The following PPP1R3A variants were observed in gnomAD, a reference collection of about 807,000 sequenced individuals.
PPP1R3A encodes RG1.
PPP1R3A carries 29 observed loss-of-function variants against 41.7 expected under a neutral mutation model. The ratio of observed to expected loss-of-function variants is 0.70; its 90% CI spans 0.52 to 0.95. PPP1R3A has a LOEUF of 0.95. Among genes scored for constraint, PPP1R3A ranks in the 40% least tolerant of loss-of-function variants. The pLI is 0.00. For missense variants in PPP1R3A, 1,352 were observed against 1,292.4 expected (o/e 1.05, Z -0.71); for synonymous variants, 485 against 453.4 (o/e 1.07, Z -0.89).
chr7:113,910,063 A>G (rs1254244028), intron 1 of PPP1R3A, among the ~76,000 whole-genome samples: 1 of 152,068 alleles, frequency 6.6e-6, no homozygotes, highest in Admixed American at 6.6e-5. Context: ...GACAGCAGGC[A>G]AGACAGCTTG....
intron 1 of PPP1R3A, among the ~76,000 whole-genome samples, chr7:113,901,056 A>C (rs1003994557): frequency 5.9e-4 from 90 of 151,752 alleles, no homozygotes; most frequent in African/African-American, 2.0e-3. Flanking sequence ...GACGGACCTG[A>C]AACATAGAAT....
At chr7:113,887,568 G>A (rs1796806283) in intron 1 of PPP1R3A, among the ~76,000 whole-genome samples, 1 of 152,062 alleles carries the variant, frequency 6.6e-6, no homozygotes, top group African/African-American at 2.4e-5. Context: ...TTAGAAATAA[G>A]AAGAAAGGAC....
At chr7:113,914,403 C>A (rs751911618) in intron 1 of PPP1R3A, among the ~76,000 whole-genome samples, 2 of 152,060 alleles carry the variant, frequency 1.3e-5, no homozygotes, top group Non-Finnish European at 2.9e-5. Flanking sequence ...ATTTTTTCAT[C>A]TATTAAATGT....
At chr7:113,894,673 A>G (rs1188694096) in intron 1 of PPP1R3A, among the ~76,000 whole-genome samples, 1 of 152,004 alleles carries the variant, frequency 6.6e-6, no homozygotes, top group East Asian at 1.9e-4. Context: ...TTCTTTATAA[A>G]GATGCTAATT....
chr7:113,901,683 G>C (rs1261367491), intron 1 of PPP1R3A, among the ~76,000 whole-genome samples: 1 of 151,738 alleles, frequency 6.6e-6, no homozygotes, highest in East Asian at 1.9e-4. Flanking sequence ...CTGGTCCAGG[G>C]TTAGCTGCGA....
At chr7:113,891,545 C>T (rs969106095) in intron 1 of PPP1R3A, among the ~76,000 whole-genome samples, 7 of 151,990 alleles carry the variant, frequency 4.6e-5, no homozygotes, top group Admixed American at 3.9e-4. Context: ...AAAGAAAAAT[C>T]ATTAGATCTT....
Position 113,884,266 on chromosome 7 carries a change from A to G in PPP1R3A, c.783-1946T>C, listed in dbSNP as rs189984424. Among the ~76,000 whole-genome samples the G allele has an allele frequency of 1.6e-3, 237 of 152,182 alleles. 1 individual carries two copies. The Middle Eastern group carries it at 0.024, about 15-fold the overall frequency. ...ACCAAAACATTTTTTATAGAATTTG[A>G]AAATATTATTCCAAACAGAAAAATA... On this transcript the variant is annotated intron_variant, in intron 1 of 3. Coordinates refer to ENST00000284601, the MANE Select transcript of PPP1R3A (RefSeq NM_002711.4).
intron 1 of PPP1R3A, among the ~76,000 whole-genome samples, chr7:113,897,204 G>A (rs1796991136): frequency 6.6e-6 from 1 of 151,684 alleles, no homozygotes; most frequent in Non-Finnish European, 1.5e-5. Flanking sequence ...TATATCCTAA[G>A]CACTGCAGTG....
Position 113,877,506 on chromosome 7 carries a change from G to A in PPP1R3A, c.*217C>T. 4.6e-6 allele frequency: 2 copies of A among 438,774 alleles called. No homozygotes were observed. The highest frequency in any genetic ancestry group is 7.8e-6 in the Non-Finnish European group (2 of 255,954). The allele number at this position is 438,774 out of a possible 1,614,324, so 27.2% of individuals were successfully genotyped here. Reference sequence around the variant, plus strand: ...CCTAATTTCAACTTGACGTGCTTCAGATCTCATATTCATATAGGTATTTAA... The same window carrying A: ...CCTAATTTCAACTTGACGTGCTTCAAATCTCATATTCATATAGGTATTTAA... On this transcript the variant is annotated 3_prime_UTR_variant, in exon 4 of 4. Transcript: ENST00000284601.
chr7:113,889,485 C>T (rs1391916433), intron 1 of PPP1R3A, among the ~76,000 whole-genome samples: 1 of 152,058 alleles, frequency 6.6e-6, no homozygotes, highest in Non-Finnish European at 1.5e-5. Flanking sequence ...AACTCTTTAA[C>T]CAAATGGGAA....
intron 1 of PPP1R3A, among the ~76,000 whole-genome samples, chr7:113,885,061 T>A (rs560549715): frequency 3.5e-4 from 54 of 152,302 alleles, no homozygotes; most frequent in East Asian, 1.9e-3. Flanking sequence ...CAGGCTTTTT[T>A]AAATTTTTTT....
At chr7:113,893,961 A>T (rs1796935433) in intron 1 of PPP1R3A, among the ~76,000 whole-genome samples, 1 of 151,948 alleles carries the variant, frequency 6.6e-6, no homozygotes, top group Non-Finnish European at 1.5e-5. Context: ...TTCAGTTCCT[A>T]CCAAGGATAA....
chr7:113,909,051 A>G (rs1422025749), intron 1 of PPP1R3A, among the ~76,000 whole-genome samples: 1 of 151,972 alleles, frequency 6.6e-6, no homozygotes, highest in African/African-American at 2.4e-5. Context: ...TACATTTACA[A>G]TATGAGGAAT....
At chr7:113,897,552 C>T (rs77778649) in intron 1 of PPP1R3A, among the ~76,000 whole-genome samples, 1,236 of 121,752 alleles carry the variant, frequency 0.01, 15 homozygotes, top group African/African-American at 0.032. Context: ...GAATGAGGCC[C>T]TGTCTCTTAA....
chr7:113,878,458 T>C lies in PPP1R3A; in HGVS notation c.2634A>G (p.Glu878=), dbSNP rs1269133700. ...MLPTDKTVFS[E]NRDLRQVQEL... The stretch of plus-strand genomic sequence containing the variant: ...CTTGAACCTGCCTAAGATCTCTGTT[T>C]TCTGAAAATACAGTTTTGTCTGTTG... The change falls in exon 4 of 4, where the codon GAA becomes GAG. Residue 878 remains glutamate (E), a synonymous_variant. Transcript: ENST00000284601. The C allele has an allele frequency of 2.5e-6, 4 of 1,612,880 alleles. No individual in the cohort carries two copies. The highest frequency in any genetic ancestry group is 3.4e-6 in the Non-Finnish European group (4 of 1,179,698).
At chr7:113,883,457 A>G (rs1455960202) in intron 1 of PPP1R3A, among the ~76,000 whole-genome samples, 1 of 152,010 alleles carries the variant, frequency 6.6e-6, no homozygotes, top group African/African-American at 2.4e-5. Flanking sequence ...TCAGTTTTAT[A>G]TATTTTTATG....
In PPP1R3A at chr7:113,882,129, C is replaced by T; in HGVS notation, c.876G>A (p.Glu292=). The change falls in exon 3 of 4, where the codon GAG becomes GAA. Residue 292 remains glutamate (E), a synonymous_variant. Transcript: ENST00000284601. ...TACTGGCTTCCAAATCTTCCTTGTC[C>T]TCATGAGAACAAATGATTGTTGGGA... The part of the protein sequence containing the change: ...TYIPTIICSH[E]DKEDLEASNR... The T allele has an allele frequency of 6.2e-7, 1 of 1,611,694 alleles. No homozygotes were observed. Among genetic ancestry groups the T allele is most frequent in the South Asian group, 1.1e-5 (1 of 91,026 alleles).
intron 1 of PPP1R3A, among the ~76,000 whole-genome samples, chr7:113,895,943 G>C (rs1796968947): frequency 6.6e-6 from 1 of 151,860 alleles, no homozygotes; most frequent in South Asian, 2.1e-4. Flanking sequence ...AAAAGGAAGA[G>C]AAGAGAGGAT....
In PPP1R3A at chr7:113,882,153, G is replaced by A. The variant is rs778422358; in HGVS notation, c.852C>T (p.Ile284=). 7.4e-6 allele frequency: 12 copies of A among 1,611,342 alleles called. No homozygotes were observed. Among genetic ancestry groups the A allele is most frequent in the Non-Finnish European group, 9.3e-6 (11 of 1,178,192 alleles). Residue 284 remains isoleucine, a synonymous_variant, in exon 3 of 4, where the codon ATC becomes ATT. Transcript: ENST00000284601. ...FENPKNTDTY[I]PTIICSHEDK... ...CCTCATGAGAACAAATGATTGTTGG[G>A]ATATAGGTATCTGAAAAGTTAATAT...
Sources: gnomAD v4.1 joint callset for allele counts (sites outside exome capture counted in the v4.1 genomes callset) on GRCh38, gnomAD v4.1.1 for gene constraint, MANE v1.5 for transcripts, NCBI Gene and HGNC (gene_info 2026-07-23, HGNC 2026-07-21) for gene names.